Variants in RIN2 observed in about 807,000 individuals in gnomAD.
RIN2 encodes the protein Ras and Rab interactor 2.
A neutral mutation model predicts 78.0 loss-of-function variants in RIN2; 36 were observed. The ratio of observed to expected loss-of-function variants is 0.46; its 90% CI spans 0.35 to 0.61. RIN2 has a LOEUF of 0.61. RIN2 is among the 20% of genes least tolerant of loss of function. RIN2 has a pLI of 0.00. For missense variants in RIN2, 1,087 were observed against 1,159.7 expected, an observed-to-expected ratio of 0.94 and a Z score of 0.91; for synonymous variants, 466 against 466.8, an observed-to-expected ratio of 1.00 and a Z score of 0.02.
intron 4 of RIN2, among the ~76,000 whole-genome samples, chr20:19,936,931 T>A (rs2040668525): frequency 6.6e-6 from 1 of 152,232 alleles, no homozygotes; most frequent in African/African-American, 2.4e-5. Context: ...ACAATATAGA[T>A]CATGTTGGCC....
At chr20:19,948,195 G>T (rs899989966) in intron 4 of RIN2, among the ~76,000 whole-genome samples, 1 of 152,220 alleles carries the variant, frequency 6.6e-6, no homozygotes, top group African/African-American at 2.4e-5. Flanking sequence ...ACAGACACAC[G>T]GAAGGGAGCC....
At chr20:19,948,483 C>T (rs968034798) in intron 4 of RIN2, among the ~76,000 whole-genome samples, 62 of 152,268 alleles carry the variant, frequency 4.1e-4, no homozygotes, top group African/African-American at 1.5e-3. Flanking sequence ...CAACCTCCGC[C>T]TCCCAGGTTC....
intron 2 of RIN2, among the ~76,000 whole-genome samples, chr20:19,833,658 G>A (rs1283576187): frequency 6.6e-6 from 1 of 152,246 alleles, no homozygotes; most frequent in Non-Finnish European, 1.5e-5. Context: ...TATGAGTAGT[G>A]AGTGTAGCAG....
intron 7 of RIN2, among the ~76,000 whole-genome samples, chr20:19,967,218 T>A (rs1446208057): frequency 6.6e-6 from 1 of 152,176 alleles, no homozygotes; most frequent in African/African-American, 2.4e-5. Context: ...ATGAAAGCCT[T>A]ATAAACTATA....
intron 2 of RIN2, among the ~76,000 whole-genome samples, chr20:19,846,221 G>A (rs1435067906): frequency 6.6e-6 from 1 of 152,030 alleles, no homozygotes; most frequent in Non-Finnish European, 1.5e-5. Flanking sequence ...GCTCTTTTTT[G>A]GTTCCATATG....
chr20:19,883,531 C>T (rs1465027203), intron 2 of RIN2, among the ~76,000 whole-genome samples: 1 of 151,970 alleles, frequency 6.6e-6, no homozygotes, highest in African/African-American at 2.4e-5. Context: ...TTTGTAGAGA[C>T]AGGGTCTCCC....
chr20:19,797,807 TA>T (rs2035105233), intron 1 of RIN2, among the ~76,000 whole-genome samples: 2 of 152,136 alleles, frequency 1.3e-5, no homozygotes, highest in African/African-American at 2.4e-5. Flanking sequence ...TTTGAGCATT[TA>T]CTAAATAATC....
chr20:19,770,800 T>C (rs6112567), intron 1 of RIN2, among the ~76,000 whole-genome samples: 110,992 of 150,742 alleles, frequency 0.74, 41,171 homozygotes, highest in African/African-American at 0.82. Context: ...ACACACCAAG[T>C]AGTGGACACC....
intron 2 of RIN2, among the ~76,000 whole-genome samples, chr20:19,845,320 C>T (rs890297498): frequency 3.9e-5 from 6 of 152,184 alleles, no homozygotes; most frequent in Admixed American, 6.5e-5. Flanking sequence ...TTGTCTTCCA[C>T]GATGGTTGAA....
In RIN2 at chr20:19,974,747, G is replaced by C; in HGVS notation, c.722G>C (p.Arg241Pro). Reference protein sequence around the residue: ...SSDGVCPASLRQLCLINGVHS... With the variant: ...SSDGVCPASLPQLCLINGVHS... ...GACGGTGTCTGTCCTGCCTCCCTGCGTCAGCTCTGCCTTATAAATGGAGTG... is the reference window on the plus strand; with the variant it reads ...GACGGTGTCTGTCCTGCCTCCCTGCCTCAGCTCTGCCTTATAAATGGAGTG... Residue 241 changes from arginine to proline, a missense_variant, in exon 9 of 13, where the codon CGT becomes CCT. Arg to Pro is a moderately radical substitution (Grantham distance 103). Around this residue, in one of 8 missense-constraint regions of RIN2, gnomAD observed 706 missense variants for 667.5 expected, o/e 1.06. Coordinates refer to ENST00000255006, the MANE Select transcript of RIN2 (RefSeq NM_018993.4). The C allele has an allele frequency of 6.2e-7, 1 of 1,613,932 alleles. No individual in the cohort carries two copies. The highest frequency in any genetic ancestry group is 8.5e-7 in the Non-Finnish European group (1 of 1,179,890).
intron 1 of RIN2, among the ~76,000 whole-genome samples, chr20:19,768,120 G>A (rs2033966954): frequency 6.6e-6 from 1 of 152,010 alleles, no homozygotes; most frequent in Non-Finnish European, 1.5e-5. Flanking sequence ...GTCTGTGAGG[G>A]AAACAAACCA....
At chr20:19,780,869 AGCATTTGTGCTGTGGCTTTACAT>A (rs1418671158) in intron 1 of RIN2, among the ~76,000 whole-genome samples, 1 of 152,264 alleles carries the variant, frequency 6.6e-6, no homozygotes, top group Non-Finnish European at 1.5e-5. Flanking sequence ...GTGTGCACTC[AGCATTTGTGCTGTGGCTTTACAT>A]GTAACAAGGT....
intron 2 of RIN2, among the ~76,000 whole-genome samples, chr20:19,804,905 C>G (rs2122741923): frequency 6.6e-6 from 1 of 152,210 alleles, no homozygotes; most frequent in Admixed American, 6.5e-5. Flanking sequence ...ATGACTCCCT[C>G]AAAATTTCAG....
intron 2 of RIN2, among the ~76,000 whole-genome samples, chr20:19,821,112 C>A (rs952552698): frequency 6.6e-6 from 1 of 152,120 alleles, no homozygotes; most frequent in Non-Finnish European, 1.5e-5. Flanking sequence ...TGATCCTGCC[C>A]GCTTTAACTC....
intron 7 of RIN2, among the ~76,000 whole-genome samples, chr20:19,968,084 G>C (rs895236996): frequency 6.6e-6 from 1 of 152,122 alleles, no homozygotes; most frequent in African/African-American, 2.4e-5. Flanking sequence ...TCCAGGTTTT[G>C]ACCCTCACTT....
At position 19,982,390 on chromosome 20, in the gene RIN2, G is replaced by A. The variant is rs139124073; in HGVS notation, c.1762+6603G>A. The stretch of plus-strand genomic sequence containing the variant: ...CCCAGGTGGCCTGCTGTTTTTTTGC[G>A]TAGTTTGTAATAGAGGATTAGCAAA... On this transcript the variant is annotated intron_variant, in intron 9 of 12. Coordinates refer to ENST00000255006, the MANE Select transcript of RIN2 (RefSeq NM_018993.4). 5.0e-3 allele frequency among the ~76,000 whole-genome samples: 768 copies of A among 152,202 alleles called. 3 individuals carry two copies. The highest frequency in any genetic ancestry group is 0.01 in the Middle Eastern group (3 of 294).
chr20:19,985,650 T>C (rs981559404), intron 9 of RIN2, among the ~76,000 whole-genome samples: 1 of 152,134 alleles, frequency 6.6e-6, no homozygotes. Flanking sequence ...GGTGGGAGGA[T>C]CCCTTGAGAC....
intron 5 of RIN2, 83 bp from the exon 6 acceptor site, chr20:19,960,617 C>A: frequency 9.9e-7 from 1 of 1,007,996 alleles, no homozygotes. Context: ...GGATTCTATT[C>A]ATTGAGTGTG....
chr20:19,928,529 G>T (rs1170548670), intron 3 of RIN2, among the ~76,000 whole-genome samples: 3 of 152,160 alleles, frequency 2.0e-5, no homozygotes, highest in Non-Finnish European at 4.4e-5. Flanking sequence ...TTACAAAATG[G>T]TACAAATTAC....
Sources: gnomAD v4.1 joint callset for allele counts (sites outside exome capture counted in the v4.1 genomes callset) on GRCh38, gnomAD v4.1.1 for gene constraint, gnomAD v4.1.1 regional missense constraint, MANE v1.5 for transcripts, NCBI Gene and HGNC (gene_info 2026-07-23, HGNC 2026-07-21) for gene names.